Variants in AVEN observed in about 807,000 individuals in gnomAD.
AVEN encodes apoptosis and caspase activation inhibitor, also known as cell death regulator Aven.
A neutral mutation model predicts 38.1 loss-of-function variants in AVEN; 41 were observed. That is an observed-to-expected ratio of 1.08 (90% CI 0.84 to 1.40). AVEN has a LOEUF of 1.40. Ranked by LOEUF, AVEN falls within the 40% of genes most tolerant of loss-of-function variation. The pLI is 0.00. For synonymous variants in AVEN, 206 were observed against 171.8 expected, an observed-to-expected ratio of 1.20 and a Z score of -1.56; for missense variants, 605 against 438.8, an observed-to-expected ratio of 1.38 and a Z score of -3.38.
At chr15:34,066,124 T>A (rs541098) in exon 4 of AVEN, 2 of 152,122 alleles carry the variant, frequency 1.3e-5, no homozygotes, top group African/African-American at 4.8e-5. Context: ...TTGTAAGCAG[T>A]GCATCTGCTG....
intron 2 of AVEN, among the ~76,000 whole-genome samples, chr15:33,929,970 C>T (rs996846796): frequency 1.3e-5 from 2 of 152,024 alleles, no homozygotes; most frequent in African/African-American, 4.8e-5. Flanking sequence ...GTATAACCGC[C>T]GCTTAAAAAA....
chr15:33,880,911 CA>C (rs961911809), intron 2 of AVEN, among the ~76,000 whole-genome samples: 3 of 151,702 alleles, frequency 2.0e-5, no homozygotes, highest in African/African-American at 7.3e-5. Flanking sequence ...TTGATGCACA[CA>C]AAATAAAATA....
At chr15:34,013,454 C>T (rs1031187399) in intron 1 of AVEN, among the ~76,000 whole-genome samples, 1 of 152,202 alleles carries the variant, frequency 6.6e-6, no homozygotes. Context: ...CTAAGTGGCA[C>T]TTATTGTTAC....
At chr15:33,988,291 G>A (rs1408373923) in intron 2 of AVEN, among the ~76,000 whole-genome samples, 3 of 152,122 alleles carry the variant, frequency 2.0e-5, no homozygotes, top group African/African-American at 7.2e-5. Flanking sequence ...TTAATGAACA[G>A]TATCAAGTGC....
At chr15:33,882,950 C>T (rs1290617261) in intron 2 of AVEN, among the ~76,000 whole-genome samples, 5 of 152,142 alleles carry the variant, frequency 3.3e-5, no homozygotes, top group Non-Finnish European at 7.4e-5. Flanking sequence ...AGCAATCTTA[C>T]ACATGCTTCT....
At chr15:34,017,927 C>T (rs141439128) in intron 1 of AVEN, among the ~76,000 whole-genome samples, 1 of 152,280 alleles carries the variant, frequency 6.6e-6, no homozygotes, top group East Asian at 1.9e-4. Context: ...TCATAGTGCA[C>T]AGCATTATTC....
intron 2 of AVEN, among the ~76,000 whole-genome samples, chr15:33,890,883 G>C (rs1891916605): frequency 6.6e-6 from 1 of 152,164 alleles, no homozygotes; most frequent in African/African-American, 2.4e-5. Flanking sequence ...AGGCTGAAGA[G>C]GATCATGAGA....
chr15:33,900,550 G>C (rs1411747842), intron 2 of AVEN, among the ~76,000 whole-genome samples: 2 of 151,656 alleles, frequency 1.3e-5, no homozygotes, highest in South Asian at 4.2e-4. Flanking sequence ...CAAGAGCTCT[G>C]CCCACCTCAG....
chr15:34,031,333 C>A (rs1391059807), intron 1 of AVEN, among the ~76,000 whole-genome samples: 1 of 151,952 alleles, frequency 6.6e-6, no homozygotes, highest in Non-Finnish European at 1.5e-5. Flanking sequence ...TGCCACCATG[C>A]CTGGCTAATT....
chr15:33,933,957 TCA>T (rs1326079244), intron 2 of AVEN, among the ~76,000 whole-genome samples: 2 of 150,948 alleles, frequency 1.3e-5, no homozygotes, highest in Non-Finnish European at 2.9e-5. Context: ...AGACTCTGTC[TCA>T]CACACAGACA....
chr15:33,859,443 G>A (rs938389370), intron 11 of AVEN: 15 of 847,762 alleles, frequency 1.8e-5, no homozygotes, highest in Non-Finnish European at 2.8e-5. Context: ...ATGAATACTG[G>A]CACCTCTGAA....
At chr15:33,910,946 C>A (rs1892893549) in intron 2 of AVEN, among the ~76,000 whole-genome samples, 1 of 152,148 alleles carries the variant, frequency 6.6e-6, no homozygotes, top group South Asian at 2.1e-4. Context: ...CATAAATATT[C>A]TCTATTCAAC....
Position 33,866,694 on chromosome 15 carries a change from G to GA in AVEN, c.1007_1008insT (p.Met337HisfsTer4). ...AGGTACTTGGTTGCTCAGGTTCCAT[G>GA]TTTTTTTCTTCAGTCACAGATGGTT... On this transcript the variant is annotated frameshift_variant, in exon 6 of 6. Coordinates refer to ENST00000306730, the MANE Select transcript of AVEN (RefSeq NM_020371.3). LOFTEE classifies it high-confidence loss of function. The GA allele has an allele frequency of 2.5e-6, 4 of 1,613,814 alleles. No individual in the cohort carries two copies. The highest frequency in any genetic ancestry group is 3.4e-6 in the Non-Finnish European group (4 of 1,179,870).
intron 4 of AVEN, among the ~76,000 whole-genome samples, chr15:33,870,598 A>G (rs1597171133): frequency 6.6e-6 from 1 of 152,226 alleles, no homozygotes; most frequent in African/African-American, 2.4e-5. Context: ...CCAGAAAGGC[A>G]GGAACGACAT....
In AVEN at chr15:34,063,568, C is replaced by A. The variant is rs1395929593; in HGVS notation, n.1127-136G>T. On this transcript the variant is annotated intron_variant and non_coding_transcript_variant, in intron 4 of 11. Transcript: ENST00000675287. The surrounding 1 kb of genome is among the most constrained non-coding windows in gnomAD (Gnocchi z 4.1). Reference sequence around the variant, plus strand: ...AGGAGCACCTCCACCACTGGGAAGCCATCCCAAGCCACTGGCCCAAGCGCC... The same window carrying A: ...AGGAGCACCTCCACCACTGGGAAGCAATCCCAAGCCACTGGCCCAAGCGCC... The A allele has an allele frequency of 3.1e-6, 5 of 1,613,688 alleles. No homozygotes were observed. The highest frequency in any genetic ancestry group is 3.4e-6 in the Non-Finnish European group (4 of 1,180,012).
chr15:34,033,008 T>A (rs577301364), intron 1 of AVEN, among the ~76,000 whole-genome samples: 1 of 152,304 alleles, frequency 6.6e-6, no homozygotes, highest in East Asian at 1.9e-4. Context: ...CTGAGTGACA[T>A]TGATATGGCA....
chr15:33,859,705 T>C (rs751677803), intron 11 of AVEN: 3 of 1,611,542 alleles, frequency 1.9e-6, no homozygotes, highest in Non-Finnish European at 8.5e-7. Flanking sequence ...TTCTTCGTCA[T>C]TGTCATCTTG....
At chr15:33,981,072 C>T (rs1244861111) in intron 2 of AVEN, among the ~76,000 whole-genome samples, 1 of 82,134 alleles carries the variant, frequency 1.2e-5, no homozygotes. Context: ...ACAATCACAA[C>T]TTGATTCCAA....
chr15:33,872,046 G>A (rs1318931313), intron 3 of AVEN, among the ~76,000 whole-genome samples: 4 of 152,240 alleles, frequency 2.6e-5, no homozygotes, highest in Admixed American at 2.6e-4. Context: ...CCACTTGGCA[G>A]TTGAAGTAGA....
Sources: gnomAD v4.1 joint callset for allele counts (sites outside exome capture counted in the v4.1 genomes callset) on GRCh38, gnomAD v4.1.1 for gene constraint, Gnocchi (gnomAD v3.1) non-coding constraint, MANE v1.5 for transcripts, NCBI Gene and HGNC (gene_info 2026-07-23, HGNC 2026-07-21) for gene names.